OR2L13: variants seen among roughly 807,000 people sequenced by gnomAD.
The protein encoded by OR2L13 is olfactory receptor family 2 subfamily L member 13.
A neutral mutation model predicts 15.3 loss-of-function variants in OR2L13; 14 were observed. The observed-to-expected ratio is 0.91, with a 90% CI of 0.60 to 1.43. OR2L13 has a LOEUF of 1.43. OR2L13 is among the 40% of genes most tolerant of loss of function. OR2L13 has a pLI of 0.00. For missense variants in OR2L13, 367 were observed against 387.9 expected (o/e 0.95, Z 0.45); for synonymous variants, 152 against 142.9 (o/e 1.06, Z -0.45).
At chr1:247,977,062 T>C in the OR2L13 span, among the ~76,000 whole-genome samples, 2 of 152,114 alleles carry the variant, frequency 1.3e-5, no homozygotes, top group African/African-American at 4.8e-5. Context: ...AATAATAACA[T>C]GTGTCATCAC....
the OR2L13 span, chr1:248,003,495 G>T: frequency 1.2e-6 from 2 of 1,609,112 alleles, no homozygotes; most frequent in Non-Finnish European, 1.7e-6. Flanking sequence ...TATGTTCGTT[G>T]CATTGCTATT....
At chr1:248,054,197 C>G in the OR2L13 span, among the ~76,000 whole-genome samples, 1 of 152,262 alleles carries the variant, frequency 6.6e-6, no homozygotes, top group East Asian at 1.9e-4. Context: ...TCTCCCAGCA[C>G]CATTTATTAA....
chr1:247,993,797 G>C, the OR2L13 span, among the ~76,000 whole-genome samples: 12 of 136,664 alleles, frequency 8.8e-5, no homozygotes, highest in Non-Finnish European at 1.8e-4. Flanking sequence ...GAGAGAGAGA[G>C]AGAGAGAGAG....
chr1:248,012,511 C>T, the OR2L13 span, among the ~76,000 whole-genome samples: 2 of 152,134 alleles, frequency 1.3e-5, no homozygotes, highest in African/African-American at 4.8e-5. Context: ...ATTCTTCCCT[C>T]CTCATTCAGC....
the OR2L13 span, among the ~76,000 whole-genome samples, chr1:247,948,571 G>T: frequency 1.3e-5 from 2 of 152,106 alleles, no homozygotes; most frequent in East Asian, 1.9e-4. Context: ...TACAATAAAA[G>T]ATTTTGAGAA....
chr1:247,949,596 G>A, the OR2L13 span: 33 of 1,613,912 alleles, frequency 2.0e-5, no homozygotes, highest in South Asian at 3.3e-4. Flanking sequence ...CCTCACTGTA[G>A]TAACTTTCTA....
the OR2L13 span, among the ~76,000 whole-genome samples, chr1:247,953,046 T>A: frequency 6.6e-6 from 1 of 152,150 alleles, no homozygotes; most frequent in African/African-American, 2.4e-5. Context: ...TGTCTTCACT[T>A]AGAGGCCACT....
chr1:247,993,789 G>C, the OR2L13 span, among the ~76,000 whole-genome samples: 1 of 137,802 alleles, frequency 7.3e-6, no homozygotes, highest in Non-Finnish European at 1.5e-5. Flanking sequence ...GAGAGAGAGA[G>C]AGAGAGAGAG....
chr1:247,981,798 C>G, the OR2L13 span, among the ~76,000 whole-genome samples: 1 of 151,924 alleles, frequency 6.6e-6, no homozygotes, highest in African/African-American at 2.4e-5. Flanking sequence ...CACTATGTCA[C>G]AGACTGCTCA....
At chr1:247,958,619 G>T in the OR2L13 span, among the ~76,000 whole-genome samples, 5 of 152,052 alleles carry the variant, frequency 3.3e-5, no homozygotes, top group African/African-American at 1.2e-4. Context: ...TATGAATCTG[G>T]GTGCTCCTGT....
At chr1:247,948,768 G>A in the OR2L13 span, 2 of 1,048,120 alleles carry the variant, frequency 1.9e-6, no homozygotes, top group Admixed American at 2.3e-5. Flanking sequence ...CACTGGGGGG[G>A]CTTGGAATGC....
the OR2L13 span, among the ~76,000 whole-genome samples, chr1:247,989,773 T>C: frequency 6.6e-6 from 1 of 152,198 alleles, no homozygotes; most frequent in Non-Finnish European, 1.5e-5. Context: ...TGGTTTCTCC[T>C]GAAATCAACT....
chr1:248,027,316 C>T, the OR2L13 span, among the ~76,000 whole-genome samples: 1 of 152,200 alleles, frequency 6.6e-6, no homozygotes, highest in Non-Finnish European at 1.5e-5. Context: ...TTATCAATGA[C>T]AATGTGTGCC....
At chr1:248,003,108 C>T in the OR2L13 span, 77 of 1,137,610 alleles carry the variant, frequency 6.8e-5, 1 homozygote, top group African/African-American at 1.6e-4. Context: ...GTCTCCCTTC[C>T]GGATGGATTG....
the OR2L13 span, among the ~76,000 whole-genome samples, chr1:248,032,086 C>G: frequency 6.6e-6 from 1 of 152,082 alleles, no homozygotes; most frequent in Non-Finnish European, 1.5e-5. Flanking sequence ...CAAACTATTG[C>G]ATCAGTCTTA....
chr1:248,011,777 C>T, the OR2L13 span, among the ~76,000 whole-genome samples: 1 of 152,142 alleles, frequency 6.6e-6, no homozygotes, highest in Non-Finnish European at 1.5e-5. Flanking sequence ...GCATTTTGGT[C>T]TGTTACCACT....
At chr1:248,093,952 T>C (rs1664660424), upstream of OR2L13, among the ~76,000 whole-genome samples, 1 of 152,056 alleles carries the variant, frequency 6.6e-6, no homozygotes, top group African/African-American at 2.4e-5. Flanking sequence ...CTGGAGATGA[T>C]TAATGGGCTC....
chr1:247,953,950 T>A, the OR2L13 span, among the ~76,000 whole-genome samples: 1 of 151,986 alleles, frequency 6.6e-6, no homozygotes, highest in African/African-American at 2.4e-5. Flanking sequence ...TTCTTTGTAA[T>A]TTTTTCTGCA....
chr1:248,099,828 G>T, exon 3 of OR2L13: 1 of 1,613,968 alleles, frequency 6.2e-7, no homozygotes, highest in South Asian at 1.1e-5. Context: ...GGACACTGGG[G>T]TCCATCAACT....
Sources: gnomAD v4.1 joint callset for allele counts (sites outside exome capture counted in the v4.1 genomes callset) on GRCh38, gnomAD v4.1.1 for gene constraint, MANE v1.5 for transcripts, NCBI Gene and HGNC (gene_info 2026-07-23, HGNC 2026-07-21) for gene names.